Variants in IL18R1 observed in about 807,000 individuals in gnomAD.
The protein encoded by IL18R1 is interleukin-18 receptor 1.
In IL18R1, 40 loss-of-function variants were observed where a neutral mutation model predicts 48.5. The observed-to-expected ratio is 0.82, with a 90% CI of 0.64 to 1.07. The LOEUF (loss-of-function observed/expected upper bound fraction) is 1.07, where lower values mean the gene tolerates loss of function less well. IL18R1 is among the 50% of genes least tolerant of loss of function. The probability of loss-of-function intolerance (pLI) is 0.00; values close to 1 mark genes in which losing one functional copy is unlikely to be tolerated. For synonymous variants in IL18R1, 232 were observed against 225.9 expected (o/e 1.03, Z -0.24); for missense variants, 596 against 633.7 (o/e 0.94, Z 0.64).
intron 4 of IL18R1, among the ~76,000 whole-genome samples, chr2:102,375,618 TAAAA>T (rs1482325337): frequency 1.3e-5 from 2 of 152,200 alleles, no homozygotes; most frequent in African/African-American, 2.4e-5. Flanking sequence ...TGCATGTGTG[TAAAA>T]GAGAGAGATG....
At chr2:102,369,600 G>A (rs1199128454) in intron 3 of IL18R1, among the ~76,000 whole-genome samples, 2 of 152,192 alleles carry the variant, frequency 1.3e-5, no homozygotes, top group African/African-American at 4.8e-5. Flanking sequence ...AGACACCCAG[G>A]AGCATAGAAG....
At chr2:102,376,752 TATTTAATTAAA>T (rs1679611751) in intron 5 of IL18R1, among the ~76,000 whole-genome samples, 1 of 152,168 alleles carries the variant, frequency 6.6e-6, no homozygotes, top group Admixed American at 6.5e-5. Flanking sequence ...ACATTAAAGG[TATTTAATTAAA>T]CCTCACCCAG....
chr2:102,396,455 CTG>C (rs1680830611), intron 10 of IL18R1, 74 bp from the exon 11 acceptor site: 1 of 802,558 alleles, frequency 1.2e-6, no homozygotes, highest in Non-Finnish European at 2.0e-6. Context: ...TAAAATAAGA[CTG>C]TGCAAAATGA....
At chr2:102,376,165 G>A in intron 5 of IL18R1, 102 bp downstream of exon 5, 1 of 947,616 alleles carries the variant, frequency 1.1e-6, no homozygotes, top group Non-Finnish European at 1.5e-6. Context: ...CACTTAGTTG[G>A]GGTTGTGACC....
At chr2:102,393,459 A>T (rs540476586) in intron 9 of IL18R1, among the ~76,000 whole-genome samples, 2 of 152,356 alleles carry the variant, frequency 1.3e-5, no homozygotes, top group East Asian at 3.9e-4. Context: ...GTAGAACTGA[A>T]GAAGATTTTG....
At chr2:102,384,812 T>C (rs992860517) in intron 6 of IL18R1, 66 bp from the exon 7 acceptor site, 5 of 1,574,082 alleles carry the variant, frequency 3.2e-6, no homozygotes, top group Non-Finnish European at 4.3e-6. Context: ...ATTGATTATA[T>C]TGTTTTGAAA....
chr2:102,396,167 T>A (rs1375246515), intron 10 of IL18R1, among the ~76,000 whole-genome samples: 1 of 152,178 alleles, frequency 6.6e-6, no homozygotes, highest in Non-Finnish European at 1.5e-5. Flanking sequence ...ATTCTGCCAT[T>A]TACTAGCTGT....
intron 7 of IL18R1, 58 bp downstream of exon 7, chr2:102,385,056 T>C: frequency 1.1e-6 from 1 of 911,596 alleles, no homozygotes; most frequent in South Asian, 2.0e-5. Context: ...ATATATATTA[T>C]ATATAACATC....
At chr2:102,382,383 T>G (rs1679971232) in intron 6 of IL18R1, among the ~76,000 whole-genome samples, 1 of 152,228 alleles carries the variant, frequency 6.6e-6, no homozygotes, top group African/African-American at 2.4e-5. Context: ...TGATTCACTT[T>G]GAATCAATTG....
intron 5 of IL18R1, among the ~76,000 whole-genome samples, chr2:102,377,488 T>C (rs1452915844): frequency 2.0e-5 from 3 of 152,154 alleles, no homozygotes; most frequent in Non-Finnish European, 4.4e-5. Flanking sequence ...CTAATTTTTA[T>C]ATTTTTTTTA....
chr2:102,365,065 C>T (rs756625315), intron 2 of IL18R1, among the ~76,000 whole-genome samples: 1 of 152,080 alleles, frequency 6.6e-6, no homozygotes, highest in Non-Finnish European at 1.5e-5. Context: ...TGGCCTCTCC[C>T]AAATCTCATG....
At chr2:102,374,909 G>A (rs6758936) in intron 4 of IL18R1, among the ~76,000 whole-genome samples, 81,313 of 152,086 alleles carry the variant, frequency 0.53, 23,585 homozygotes, top group African/African-American at 0.73. Flanking sequence ...GACTTCACCC[G>A]AGAGCAAGGA....
chr2:102,364,571 T>C (rs989365880), intron 2 of IL18R1, among the ~76,000 whole-genome samples: 12 of 152,202 alleles, frequency 7.9e-5, no homozygotes, highest in African/African-American at 2.9e-4. Context: ...GTTGAAGTAT[T>C]AGTATAAAAT....
At chr2:102,379,156 C>A (rs1244774001) in intron 5 of IL18R1, among the ~76,000 whole-genome samples, 1 of 152,076 alleles carries the variant, frequency 6.6e-6, no homozygotes, top group Non-Finnish European at 1.5e-5. Context: ...GAAATGAAGA[C>A]CCTGGGGCCG....
chr2:102,372,270 T>G, intron 4 of IL18R1, 152 bp downstream of exon 4: 1 of 580,690 alleles, frequency 1.7e-6, no homozygotes, highest in Non-Finnish European at 3.0e-6. Flanking sequence ...GTATCCTCAC[T>G]GGCTTGTTGT....
chr2:102,386,182 G>T (rs925027086), intron 7 of IL18R1, among the ~76,000 whole-genome samples: 2 of 152,222 alleles, frequency 1.3e-5, no homozygotes, highest in African/African-American at 4.8e-5. Flanking sequence ...GCCCATGTCT[G>T]GCTGTGTTGA....
At chr2:102,362,395 T>A (rs1678628210) in intron 1 of IL18R1, among the ~76,000 whole-genome samples, 1 of 152,340 alleles carries the variant, frequency 6.6e-6, no homozygotes, top group Admixed American at 6.5e-5. Flanking sequence ...CAGACTCTGT[T>A]GTATCAGAGA....
chr2:102,372,265 C>T (rs1302283912), intron 4 of IL18R1, 147 bp downstream of exon 4: 14 of 588,868 alleles, frequency 2.4e-5, no homozygotes, highest in Non-Finnish European at 4.1e-5. Flanking sequence ...GCCAAGTATC[C>T]TCACTGGCTT....
At chr2:102,362,373 C>G (rs1339145193) in intron 1 of IL18R1, among the ~76,000 whole-genome samples, 1 of 152,116 alleles carries the variant, frequency 6.6e-6, no homozygotes, top group Non-Finnish European at 1.5e-5. Context: ...GTAGACCAGG[C>G]CTGAAATTCT....
Sources: gnomAD v4.1 joint callset for allele counts (sites outside exome capture counted in the v4.1 genomes callset) on GRCh38, gnomAD v4.1.1 for gene constraint, MANE v1.5 for transcripts, NCBI Gene and HGNC (gene_info 2026-07-23, HGNC 2026-07-21) for gene names.